Variants in LAMA3 observed in about 807,000 individuals in gnomAD.
LAMA3 encodes the protein laminin subunit alpha-3.
LAMA3 carries 281 observed loss-of-function variants against 402.0 expected under a neutral mutation model. That is an observed-to-expected ratio of 0.70 (90% CI 0.63 to 0.77). LAMA3 has a LOEUF of 0.77. LAMA3 is among the 30% of genes least tolerant of loss of function. The pLI, the probability that LAMA3 is intolerant of heterozygous loss-of-function variation, is 0.00. For missense variants in LAMA3, 3,840 were observed against 4,215.5 expected, an observed-to-expected ratio of 0.91 and a Z score of 2.47; for synonymous variants, 1,431 against 1,558.4, an observed-to-expected ratio of 0.92 and a Z score of 1.93.
chr18:23,920,668 G>T lies in LAMA3; in HGVS notation c.7924-267G>T, dbSNP rs1223662630. On this transcript the variant is annotated intron_variant, in intron 60 of 74. Coordinates refer to ENST00000313654, the MANE Select transcript of LAMA3 (RefSeq NM_198129.4). The stretch of plus-strand genomic sequence containing the variant: ...TCTCCATCTTTATACACCAGTTATG[G>T]ATCGCATGAAACAAAATCATGATCA... Among the ~76,000 whole-genome samples, 7 of 152,256 alleles carry T rather than the reference G, an allele frequency of 4.6e-5. No individual in the cohort carries two copies. The East Asian group carries it at 1.4e-3, about 29-fold the overall frequency.
intron 32 of LAMA3, among the ~76,000 whole-genome samples, chr18:23,857,136 G>A (rs1376548280): frequency 6.6e-6 from 1 of 152,218 alleles, no homozygotes; most frequent in Non-Finnish European, 1.5e-5. Context: ...GGTATGAAAA[G>A]CAGGCTTTGG....
At chr18:23,770,614 A>G (rs1366462296) in intron 8 of LAMA3, among the ~76,000 whole-genome samples, 1 of 152,042 alleles carries the variant, frequency 6.6e-6, no homozygotes, top group Admixed American at 6.5e-5. Context: ...ACCAAAAATT[A>G]GCCGGGCATG....
chr18:23,840,536 C>T (rs115804094), intron 27 of LAMA3, among the ~76,000 whole-genome samples: 2,161 of 152,012 alleles, frequency 0.014, 54 homozygotes, highest in African/African-American at 0.05. Context: ...GTGAGCACCA[C>T]CTTGCCCAGC....
chr18:23,708,636 C>T (rs2060933209), intron 1 of LAMA3, among the ~76,000 whole-genome samples: 1 of 152,168 alleles, frequency 6.6e-6, no homozygotes, highest in African/African-American at 2.4e-5. Context: ...TGCTACTCTA[C>T]AGAGATGCAA....
At chr18:23,908,094 C>G (rs934972573) in intron 54 of LAMA3, among the ~76,000 whole-genome samples, 159 bp downstream of exon 54, 4 of 152,166 alleles carry the variant, frequency 2.6e-5, no homozygotes, top group African/African-American at 4.8e-5. Flanking sequence ...GTATAGATAT[C>G]CTGCTAGTTG....
At chr18:23,903,760 A>AC (rs2081150722) in intron 49 of LAMA3, among the ~76,000 whole-genome samples, 173 bp from the exon 50 acceptor site, 1 of 152,234 alleles carries the variant, frequency 6.6e-6, no homozygotes, top group South Asian at 2.1e-4. Flanking sequence ...GGGAAATATT[A>AC]CCAGTGCTAC....
chr18:23,793,554 T>C (rs1442449105), intron 12 of LAMA3, among the ~76,000 whole-genome samples: 1 of 151,118 alleles, frequency 6.6e-6, no homozygotes, highest in African/African-American at 2.4e-5. Context: ...CTAGACAGCA[T>C]CCTTGGAAGA....
intron 1 of LAMA3, chr18:23,709,886 C>T: frequency 1.4e-6 from 1 of 735,184 alleles, no homozygotes; most frequent in Non-Finnish European, 2.4e-6. Flanking sequence ...GAACATATGC[C>T]TTCTTCTCTC....
chr18:23,863,646 C>T (rs1370327782), intron 35 of LAMA3, among the ~76,000 whole-genome samples: 1 of 152,234 alleles, frequency 6.6e-6, no homozygotes, highest in Non-Finnish European at 1.5e-5. Flanking sequence ...TGTCAGGTTA[C>T]AGACTCTAGG....
In LAMA3 at chr18:23,898,948, A is replaced by G. The variant is rs1277613182; in HGVS notation, c.5725-6A>G. ...TTTGCTGCTAATCAATTTATTTTTC[A>G]TATAGGCTCAAGTAAATTCCAGAAA... On this transcript the variant is annotated splice_region_variant and splice_polypyrimidine_tract_variant and intron_variant, in intron 45 of 74. Coordinates refer to ENST00000313654, the MANE Select transcript of LAMA3 (RefSeq NM_198129.4). 1.9e-6 allele frequency: 3 copies of G among 1,610,566 alleles called. No individual in the cohort carries two copies. The Admixed American group carries it at 5.0e-5, about 27-fold the overall frequency.
At chr18:23,871,805 C>G (rs1291281160) in intron 38 of LAMA3, 144 bp downstream of exon 38, 1 of 695,432 alleles carries the variant, frequency 1.4e-6, no homozygotes, top group African/African-American at 1.8e-5. Flanking sequence ...TTATATCTTA[C>G]TTAGACTCCC....
At chr18:23,779,689 C>A (rs2062396566) in intron 11 of LAMA3, among the ~76,000 whole-genome samples, 1 of 151,814 alleles carries the variant, frequency 6.6e-6, no homozygotes, top group Admixed American at 6.6e-5. Context: ...AAGGTCAGAG[C>A]AAGAAGCAAG....
chr18:23,731,170 T>A (rs2061388628), intron 2 of LAMA3, among the ~76,000 whole-genome samples: 2 of 152,234 alleles, frequency 1.3e-5, no homozygotes, highest in South Asian at 4.1e-4. Flanking sequence ...TAAGACCTCA[T>A]GAGCTATTGT....
At chr18:23,693,530 CAAA>C (rs34337453) in intron 1 of LAMA3, among the ~76,000 whole-genome samples, 12 of 113,168 alleles carry the variant, frequency 1.1e-4, no homozygotes, top group Non-Finnish European at 1.4e-4. Context: ...GACTCTGTAT[CAAA>C]AAAAAAAAAA....
chr18:23,778,665 A>G (rs117577979), intron 11 of LAMA3, among the ~76,000 whole-genome samples: 2 of 152,222 alleles, frequency 1.3e-5, no homozygotes, highest in African/African-American at 2.4e-5. Context: ...ACTGGGCACC[A>G]TCGGACTCAT....
At chr18:23,941,706 G>A (rs1433484970) in intron 68 of LAMA3, among the ~76,000 whole-genome samples, 1 of 152,146 alleles carries the variant, frequency 6.6e-6, no homozygotes, top group Non-Finnish European at 1.5e-5. Flanking sequence ...CTCCAGCAAT[G>A]AAGAGTCATA....
At chr18:23,810,968 G>A (rs1349787082) in intron 13 of LAMA3, among the ~76,000 whole-genome samples, 3 of 152,016 alleles carry the variant, frequency 2.0e-5, no homozygotes, top group Non-Finnish European at 2.9e-5. Flanking sequence ...GCTGTGTTTC[G>A]GGCCTCTCTC....
chr18:23,896,653 A>T (rs1390556673), intron 44 of LAMA3, among the ~76,000 whole-genome samples: 1 of 152,202 alleles, frequency 6.6e-6, no homozygotes, highest in African/African-American at 2.4e-5. Flanking sequence ...GGGGCTAAAA[A>T]GCAGCCTGGA....
intron 54 of LAMA3, 139 bp from the exon 55 acceptor site, chr18:23,909,014 C>T: frequency 1.3e-6 from 1 of 780,112 alleles, no homozygotes; most frequent in Non-Finnish European, 2.2e-6. Flanking sequence ...GGGGGAACTA[C>T]CGTAACTAAT....
Sources: gnomAD v4.1 joint callset for allele counts (sites outside exome capture counted in the v4.1 genomes callset) on GRCh38, gnomAD v4.1.1 for gene constraint, MANE v1.5 for transcripts, NCBI Gene and HGNC (gene_info 2026-07-23, HGNC 2026-07-21) for gene names.